Variants in CFAP74 observed in about 807,000 individuals in gnomAD.
CFAP74 encodes cilia and flagella associated protein 74.
In CFAP74, 124 loss-of-function variants were observed where a neutral mutation model predicts 188.9. The observed-to-expected ratio is 0.66, with a 90% confidence interval of 0.57 to 0.76. The LOEUF (loss-of-function observed/expected upper bound fraction) is 0.76, where lower values mean the gene tolerates loss of function less well. Among genes scored for constraint, CFAP74 ranks in the 30% least tolerant of loss-of-function variants. The pLI is 0.00. For missense variants in CFAP74, 2,198 were observed against 2,165.2 expected (o/e 1.02, Z -0.30); for synonymous variants, 956 against 916.7 (o/e 1.04, Z -0.77).
intron 18 of CFAP74, among the ~76,000 whole-genome samples, chr1:1,949,314 A>G (rs1035623381): frequency 2.6e-5 from 4 of 151,712 alleles, no homozygotes; most frequent in Admixed American, 2.0e-4. Flanking sequence ...GCGTGCCACG[A>G]TGTCTGGCAA....
rs778815142 is a variant in CFAP74, at chr1:1,966,499, G to C, written c.1273C>G (p.Pro425Ala). ...GAAACGACTTCCAGCAACCGAGAGG[G>C]CCCGGGGCCTGCAGCAGCCTCGTAG... is the stretch of plus-strand genomic sequence containing the variant. ...LDYEAAAGPG[P>A]SRLLEVVSSE... Residue 425 changes from proline to alanine, a missense_variant, in exon 12 of 39, where the codon CCC (proline) becomes GCC (alanine). Transcript: ENST00000682832. 2 of 1,584,350 alleles carry C rather than the reference G, an allele frequency of 1.3e-6. No individual in the cohort carries two copies. The highest frequency in any genetic ancestry group is 2.3e-5 in the South Asian group (2 of 88,152).
intron 6 of CFAP74, among the ~76,000 whole-genome samples, chr1:1,979,623 C>A (rs1570965519): frequency 7.7e-6 from 1 of 129,392 alleles, no homozygotes; most frequent in Non-Finnish European, 1.7e-5. Flanking sequence ...GGGAAGGCAT[C>A]ACGTGACGAG....
intron 10 of CFAP74, 104 bp downstream of exon 10, chr1:1,970,553 GGA>G (rs1655878529): frequency 6.2e-6 from 8 of 1,297,616 alleles, no homozygotes; most frequent in Non-Finnish European, 7.3e-6. Flanking sequence ...GGGCGCCCTG[GGA>G]GAGAGAGCAG....
intron 25 of CFAP74, among the ~76,000 whole-genome samples, chr1:1,936,999 T>G (rs947763969): frequency 6.6e-6 from 1 of 152,048 alleles, no homozygotes; most frequent in African/African-American, 2.4e-5. Flanking sequence ...ACAGGTGACA[T>G]TGTTATGAGA....
intron 6 of CFAP74, among the ~76,000 whole-genome samples, chr1:1,981,589 C>CG (rs1385200320): frequency 1.1e-5 from 1 of 92,522 alleles, no homozygotes; most frequent in Non-Finnish European, 2.1e-5. Context: ...TGGACAGACA[C>CG]GGGGACACGC....
intron 2 of CFAP74, 146 bp downstream of exon 2, chr1:1,990,744 A>G: frequency 1.8e-6 from 1 of 553,300 alleles, no homozygotes; most frequent in East Asian, 3.1e-5. Flanking sequence ...TAAAGACAAT[A>G]ATATAAGCTC....
chr1:1,922,231 C>T lies in CFAP74; in HGVS notation c.*56G>A. 7.3e-7 allele frequency: 1 copy of T among 1,372,188 alleles called. No individual in the cohort carries two copies. The highest frequency in any genetic ancestry group is 1.8e-5 in the Admixed American group (1 of 54,644). 85.0% of individuals were successfully genotyped at this position (1,372,188 alleles called of 1,614,324 possible). ...TAGGGTAGTATGACCTGGCCCTCAG[C>T]CTGGGGAGGGCTTTGAGGGTGGACA... On this transcript the variant is annotated 3_prime_UTR_variant, in exon 39 of 39. Coordinates refer to ENST00000682832, the MANE Select transcript of CFAP74 (RefSeq NM_001304360.2).
In CFAP74 at chr1:1,974,571, G is replaced by A. The variant is rs180786020; in HGVS notation, c.501-373C>T. On this transcript the variant is annotated intron_variant, in intron 6 of 38. Coordinates refer to ENST00000682832, the MANE Select transcript of CFAP74 (RefSeq NM_001304360.2). Reference sequence around the variant, plus strand: ...TCTTTGGCTGGGCTGGAGGATCCCTGGTGCAAATTGACCGGCACCCAAGAC... The same window carrying A: ...TCTTTGGCTGGGCTGGAGGATCCCTAGTGCAAATTGACCGGCACCCAAGAC... Among the ~76,000 whole-genome samples, 1,086 of 152,050 alleles carry A rather than the reference G, an allele frequency of 7.1e-3. 14 individuals are homozygous for A. The highest frequency in any genetic ancestry group is 0.025 in the African/African-American group (1,053 of 41,482).
intron 6 of CFAP74, among the ~76,000 whole-genome samples, chr1:1,978,138 G>C (rs1322438555): frequency 6.6e-6 from 1 of 152,262 alleles, no homozygotes; most frequent in Non-Finnish European, 1.5e-5. Flanking sequence ...GTGAGCCACT[G>C]CATCCAGCTG....
At chr1:1,949,121 TC>T in intron 18 of CFAP74, among the ~76,000 whole-genome samples, 1 of 77,054 alleles carries the variant, frequency 1.3e-5, no homozygotes, top group East Asian at 4.0e-4. Flanking sequence ...TTTCCTTTCT[TC>T]CCTTCCCTCC....
intron 14 of CFAP74, among the ~76,000 whole-genome samples, chr1:1,962,414 T>TG (rs1004206317): frequency 2.8e-5 from 4 of 145,438 alleles, no homozygotes; most frequent in Non-Finnish European, 4.5e-5. Context: ...AGGCAGAGGT[T>TG]GCAGGGAGCC....
At chr1:1,989,417 G>A (rs932082262) in intron 2 of CFAP74, among the ~76,000 whole-genome samples, 3 of 152,174 alleles carry the variant, frequency 2.0e-5, no homozygotes, top group South Asian at 2.1e-4. Context: ...GCCCCCGAGC[G>A]TTCCTTCTGC....
rs1653279619 is a variant in CFAP74 at position 1,940,330 on chromosome 1, A to C, written c.2689T>G (p.Trp897Gly). 6.5e-7 allele frequency: 1 copy of C among 1,535,734 alleles called. No homozygotes were observed. The highest frequency in any genetic ancestry group is 8.7e-7 in the Non-Finnish European group (1 of 1,146,762). The change falls in exon 23 of 39, where the codon TGG becomes GGG. Residue 897 changes from tryptophan to glycine, a missense_variant. Trp to Gly is a radical substitution (Grantham distance 184). Coordinates refer to ENST00000682832, the MANE Select transcript of CFAP74 (RefSeq NM_001304360.2). The part of the protein sequence containing the change: ...TRVLEAPMTI[W>G]VADQNKPVGF... ...CCAACACAGACCTGGTCGGCAACCC[A>C]TATGGTCATCGGGGCCTCCAGGACT...
At chr1:1,979,230 T>G (rs1656649226) in intron 6 of CFAP74, among the ~76,000 whole-genome samples, 1 of 104,110 alleles carries the variant, frequency 9.6e-6, no homozygotes, top group Non-Finnish European at 2.0e-5. Flanking sequence ...GTGACGAGGC[T>G]GCACAGAACA....
chr1:1,987,173 A>G, intron 4 of CFAP74, 138 bp from the exon 5 acceptor site: 1 of 632,350 alleles, frequency 1.6e-6, no homozygotes, highest in Non-Finnish European at 2.7e-6. Context: ...GGGTCTCTCT[A>G]ACACCTTCAA....
chr1:1,997,111 G>C lies in CFAP74; in HGVS notation c.-19-6136C>G, dbSNP rs574386486. On this transcript the variant is annotated intron_variant, in intron 1 of 38. Transcript: ENST00000682832. ...TCAGTATTCATCACGTCCCCAGCCAGAACAATCAGATGTAAAAGAAATAAA... is the reference window on the plus strand; with the variant it reads ...TCAGTATTCATCACGTCCCCAGCCACAACAATCAGATGTAAAAGAAATAAA... Among the ~76,000 whole-genome samples, 25 of 152,082 alleles carry C rather than the reference G, an allele frequency of 1.6e-4. No individual in the cohort carries two copies. In the South Asian group the frequency reaches 3.3e-3, roughly 20 times the overall value.
intron 6 of CFAP74, among the ~76,000 whole-genome samples, chr1:1,982,616 G>C (rs957987557): frequency 2.0e-5 from 3 of 152,240 alleles, no homozygotes; most frequent in Non-Finnish European, 4.4e-5. Context: ...CAGATGCTTT[G>C]TACTGCATGC....
rs369078817 is a variant in CFAP74, at chr1:1,946,473, G to C, written c.2242-34C>G. ...GAAGAGATGCCATGGGGTCTGCCAG[G>C]CTTCATGGCTTTTAAGATCCCTTCC... On this transcript the variant is annotated intron_variant, in intron 19 of 38. Coordinates refer to ENST00000682832, the MANE Select transcript of CFAP74 (RefSeq NM_001304360.2). 1.7e-5 allele frequency: 25 copies of C among 1,501,640 alleles called. No homozygotes were observed. In the East Asian group the frequency reaches 3.5e-4, roughly 21 times the overall value. The allele number at this position is 1,501,640 out of a possible 1,614,324, so 93.0% of individuals were successfully genotyped here.
rs796552062 is a variant in CFAP74, at chr1:1,949,063, CCTT to C, written c.2177-2012_2177-2010del. ...CCTTCCTTCCCTCCTTTCCTTCCTT[CCTT>C]CCTTTCCTTTCCCTCCTTCCTCCCT... On this transcript the variant is annotated intron_variant, in intron 18 of 38. Transcript: ENST00000682832. 7.4e-3 allele frequency among the ~76,000 whole-genome samples: 979 copies of C among 132,494 alleles called. 15 individuals carry two copies. The highest frequency in any genetic ancestry group is 0.027 in the African/African-American group (924 of 34,124). 86.9% of individuals were successfully genotyped at this position (132,494 alleles called of 152,430 possible).
Sources: allele counts gnomAD v4.1 joint callset (sites outside exome capture counted in the v4.1 genomes callset), GRCh38; gene constraint gnomAD v4.1.1; transcripts MANE v1.5; gene names NCBI Gene and HGNC (gene_info 2026-07-23, HGNC 2026-07-21).